APOL2: variants seen among roughly 807,000 people sequenced by gnomAD.
APOL2 encodes apolipoprotein L, 2.
A neutral mutation model predicts 7.1 loss-of-function variants in APOL2; 8 were observed. The observed-to-expected ratio is 1.12, with a 90% CI of 0.66 to 2.03. APOL2 has a LOEUF of 2.03. APOL2 is among the 30% of genes most tolerant of loss of function. The pLI, the probability that APOL2 is intolerant of heterozygous loss-of-function variation, is 0.00. For missense variants in APOL2, 471 were observed against 415.1 expected (o/e 1.13, Z -1.17); for synonymous variants, 177 against 159.9 (o/e 1.11, Z -0.81).
In APOL2 at chr22:36,228,284, C is replaced by T; in HGVS notation, c.138-4G>A. On this transcript the variant is annotated splice_polypyrimidine_tract_variant and splice_region_variant and intron_variant, in intron 4 of 4. Transcript: ENST00000358502. Reference sequence around the variant, plus strand: ...ACGGAGCTCATCTGCCTCATCCCTGCACAAGGAAAGGTTAAAGGATTAAGA... The same window carrying T: ...ACGGAGCTCATCTGCCTCATCCCTGTACAAGGAAAGGTTAAAGGATTAAGA... The T allele has an allele frequency of 6.2e-7, 1 of 1,610,432 alleles. No homozygotes were observed. Among genetic ancestry groups the T allele is most frequent in the Non-Finnish European group, 8.5e-7 (1 of 1,178,280 alleles).
intron 3 of APOL2, among the ~76,000 whole-genome samples, chr22:36,232,125 C>A (rs1478994591): frequency 6.6e-6 from 1 of 152,258 alleles, no homozygotes; most frequent in Non-Finnish European, 1.5e-5. Context: ...AGTTTTGTAA[C>A]TGCAACCAAT....
At position 36,226,592 on chromosome 22, in the gene APOL2, T is replaced by C. The variant is rs1236271627; in HGVS notation, c.*812A>G. ...ACACCCCCAGAAGGACAAGGGAGAG[T>C]GGATGCTGGAAAGACAGAGCGAGAG... On this transcript the variant is annotated 3_prime_UTR_variant, in exon 5 of 5. Transcript: ENST00000358502. The C allele has an allele frequency of 1.3e-5, 2 of 151,118 alleles. No homozygotes were observed. 9.4% of individuals were successfully genotyped at this position (151,118 alleles called of 1,614,324 possible). A position where few individuals can be genotyped will look rare whatever the true frequency, so the allele number is the denominator to read the frequency against.
At chr22:36,228,347 A>G in intron 4 of APOL2, 67 bp from the exon 5 acceptor site, 2 of 1,521,034 alleles carry the variant, frequency 1.3e-6, no homozygotes, top group Non-Finnish European at 1.8e-6. Context: ...GCTCCATGCG[A>G]TCTCTATCCT....
At chr22:36,233,487 G>A (rs2015301776) in intron 1 of APOL2, 32 bp from the exon 2 acceptor site, 3 of 1,536,544 alleles carry the variant, frequency 2.0e-6, no homozygotes, top group Non-Finnish European at 8.8e-7. Flanking sequence ...ATAATCAGAG[G>A]AGGGGCAGCC....
Position 36,227,203 on chromosome 22 carries a change from C to T in APOL2, c.*201G>A. 3.5e-6 allele frequency: 2 copies of T among 568,358 alleles called. No individual in the cohort carries two copies. The highest frequency in any genetic ancestry group is 5.7e-6 in the Non-Finnish European group (2 of 351,880). 35.2% of individuals were successfully genotyped at this position (568,358 alleles called of 1,614,324 possible). ...TGGTGGCAGGTGCCTGTAGTCCCAG[C>T]TACTCGGGAGACTGAGGCCGGAGAA... is the stretch of plus-strand genomic sequence containing the variant. On this transcript the variant is annotated 3_prime_UTR_variant, in exon 5 of 5. Transcript: ENST00000358502.
At chr22:36,228,458 A>G (rs1269475886) in intron 4 of APOL2, among the ~76,000 whole-genome samples, 178 bp from the exon 5 acceptor site, 1 of 152,260 alleles carries the variant, frequency 6.6e-6, no homozygotes, top group Non-Finnish European at 1.5e-5. Context: ...CATCATAGAT[A>G]TTCCTCAGTA....
chr22:36,236,772 G>A, intron 1 of APOL2: 1 of 1,070,272 alleles, frequency 9.3e-7, no homozygotes, highest in Non-Finnish European at 1.1e-6. Flanking sequence ...CAGGGTCGAG[G>A]CATCCAGATA....
rs1339311033 is a variant in APOL2 at position 36,227,468 on chromosome 22, A to G, written c.950T>C (p.Leu317Pro). 6.2e-7 allele frequency: 1 copy of G among 1,613,934 alleles called. No homozygotes were observed. The highest frequency in any genetic ancestry group is 1.7e-5 in the Admixed American group (1 of 60,000). ...GGTGAGAAAGTTGAGCTTCCCCTCCAGCTCCTGAGCCCGCTTCTTCAGCTC... is the reference window on the plus strand; with the variant it reads ...GGTGAGAAAGTTGAGCTTCCCCTCCGGCTCCTGAGCCCGCTTCTTCAGCTC... ...AEELKKRAQE[L>P]EGKLNFLTKI... Residue 317 changes from leucine (L) to proline (P), a missense_variant, in exon 5 of 5, where the codon CTG becomes CCG. Leu to Pro is a moderately conservative substitution (Grantham distance 98). Coordinates refer to ENST00000358502, the MANE Select transcript of APOL2 (RefSeq NM_030882.4).
In APOL2 at chr22:36,227,772, C is replaced by G. The variant is rs766991246; in HGVS notation, c.646G>C (p.Val216Leu). The change falls in exon 5 of 5, where the codon GTC becomes CTC. Residue 216 changes from valine to leucine, a missense_variant. By Grantham distance (32) the Val-to-Leu change is conservative. Coordinates refer to ENST00000358502, the MANE Select transcript of APOL2 (RefSeq NM_030882.4). ...VLTLVDNWYQ[V>L]TQGIGRNIRA... is the part of the protein sequence containing the mutation. Reference sequence around the variant, plus strand: ...ATGTTCCTCCCAATCCCTTGTGTGACTTGGTACCAATTGTCAACTAAGGTA... The same window carrying G: ...ATGTTCCTCCCAATCCCTTGTGTGAGTTGGTACCAATTGTCAACTAAGGTA... The G allele has an allele frequency of 6.2e-7, 1 of 1,614,240 alleles. No individual in the cohort carries two copies. Among genetic ancestry groups the G allele is most frequent in the South Asian group, 1.1e-5 (1 of 91,088 alleles).
rs1470478146 is a variant in APOL2, at chr22:36,231,275, C to T, written c.137+65G>A. 24 of 1,565,312 alleles carry T rather than the reference C, an allele frequency of 1.5e-5. No individual in the cohort carries two copies. The Admixed American group carries it at 1.6e-4, about 10-fold the overall frequency. On this transcript the variant is annotated intron_variant, in intron 4 of 4. Transcript: ENST00000358502. The stretch of plus-strand genomic sequence containing the variant: ...AGGAGGTGTGCCTGTCAGGGACAAC[C>T]AGCCCAGGGGAGATCTGAGTGGCAT...
At chr22:36,231,599 T>C in intron 3 of APOL2, 133 bp from the exon 4 acceptor site, 1 of 1,115,388 alleles carries the variant, frequency 9.0e-7, no homozygotes, top group Non-Finnish European at 1.3e-6. Flanking sequence ...GAGTCATCAG[T>C]GCTATAGAGG....
intron 3 of APOL2, among the ~76,000 whole-genome samples, chr22:36,231,972 T>A: frequency 6.6e-6 from 1 of 152,238 alleles, no homozygotes; most frequent in Non-Finnish European, 1.5e-5. Flanking sequence ...ATTTGTTTTT[T>A]CTTTGACTCA....
At chr22:36,238,485 C>G (rs1175254040) in intron 1 of APOL2, among the ~76,000 whole-genome samples, 2 of 152,050 alleles carry the variant, frequency 1.3e-5, no homozygotes, top group Non-Finnish European at 2.9e-5. Context: ...TCACACAGCT[C>G]TTGGAGGGCA....
At chr22:36,231,795 G>T (rs936800812) in intron 3 of APOL2, among the ~76,000 whole-genome samples, 2 of 152,200 alleles carry the variant, frequency 1.3e-5, no homozygotes, top group Non-Finnish European at 2.9e-5. Flanking sequence ...TAAGCACACA[G>T]CGCAAAGGCA....
At chr22:36,228,419 TTA>T (rs879881834) in intron 4 of APOL2, 139 bp from the exon 5 acceptor site, 13,723 of 1,158,608 alleles carry the variant, frequency 0.012, 118 homozygotes, top group Non-Finnish European at 0.014. Context: ...ATGGAATTAA[TTA>T]TCTTTCAAAC....
intron 1 of APOL2, among the ~76,000 whole-genome samples, chr22:36,238,786 G>A (rs962638180): frequency 1.3e-5 from 2 of 152,276 alleles, no homozygotes; most frequent in East Asian, 3.9e-4. Context: ...TCAGCTCAGA[G>A]GTCTGAACAG....
chr22:36,238,364 A>C (rs1470021189), intron 1 of APOL2, among the ~76,000 whole-genome samples: 7 of 152,074 alleles, frequency 4.6e-5, no homozygotes, highest in Admixed American at 4.6e-4. Context: ...TAAGACCATG[A>C]CTCATATTTC....
Position 36,239,036 on chromosome 22 carries a change from C to T in APOL2, c.-134+405G>A, listed in dbSNP as rs1307305203. 4 of 888,314 alleles carry T rather than the reference C, an allele frequency of 4.5e-6. No individual in the cohort carries two copies. The African/African-American group carries it at 5.2e-5, about 11-fold the overall frequency. 55.0% of individuals were successfully genotyped at this position (888,314 alleles called of 1,614,324 possible). On this transcript the variant is annotated intron_variant, in intron 1 of 4. Coordinates refer to ENST00000358502, the MANE Select transcript of APOL2 (RefSeq NM_030882.4). Reference sequence around the variant, plus strand: ...CACCCTGGGGCCAGCCTGGGTGTGGCCCGGCCACAAGGACATGCCGGGCTC... The same window carrying T: ...CACCCTGGGGCCAGCCTGGGTGTGGTCCGGCCACAAGGACATGCCGGGCTC...
At chr22:36,239,744 C>G, upstream of APOL2, 1 of 540,462 alleles carries the variant, frequency 1.9e-6, no homozygotes, top group East Asian at 3.1e-5. Flanking sequence ...GCCTCACATC[C>G]TCAGGATTCA....
Sources: gnomAD v4.1 joint callset for allele counts (sites outside exome capture counted in the v4.1 genomes callset) on GRCh38, gnomAD v4.1.1 for gene constraint, MANE v1.5 for transcripts, NCBI Gene and HGNC (gene_info 2026-07-23, HGNC 2026-07-21) for gene names.